Variants in GALNT13 observed in about 807,000 individuals in gnomAD.
The protein encoded by GALNT13 is UDP-GalNAc:polypeptide N-acetylgalactosaminyltransferase 13.
GALNT13 carries 28 observed loss-of-function variants against 64.2 expected under a neutral mutation model. That is an observed-to-expected ratio of 0.44 (90% confidence interval 0.32 to 0.60). The LOEUF (loss-of-function observed/expected upper bound fraction) is 0.60. GALNT13 is among the 20% of genes least tolerant of loss of function. GALNT13 has a pLI of 0.05. For missense variants in GALNT13, 577 were observed against 669.8 expected, an observed-to-expected ratio of 0.86 and a Z score of 1.53; for synonymous variants, 214 against 224.6, an observed-to-expected ratio of 0.95 and a Z score of 0.42.
At chr2:154,227,325 CTTTTTTTCTTTTT>C (rs1030411264) in intron 4 of GALNT13, among the ~76,000 whole-genome samples, 5 of 151,892 alleles carry the variant, frequency 3.3e-5, no homozygotes, top group African/African-American at 1.2e-4. Flanking sequence ...GCACATTTTT[CTTTTTTTCTTTTT>C]TTTTATTATA....
the GALNT13 span, among the ~76,000 whole-genome samples, chr2:153,479,542 G>A: frequency 2.6e-5 from 4 of 152,096 alleles, no homozygotes; most frequent in African/African-American, 9.7e-5. Flanking sequence ...CGGGAGCAGG[G>A]TCACCTCTCT....
rs2105515348 is a variant in GALNT13, at chr2:154,453,958, A to G, written c.*3407A>G. Reference sequence around the variant, plus strand: ...TTATGGAAATGAAATATGAAATTTTATTAAAATGCTGCTATATTACATAAG... The same window carrying G: ...TTATGGAAATGAAATATGAAATTTTGTTAAAATGCTGCTATATTACATAAG... On this transcript the variant is annotated 3_prime_UTR_variant, in exon 13 of 13. Transcript: ENST00000392825. 6.6e-6 allele frequency: 1 copy of G among 152,306 alleles called. No homozygotes were observed. Among genetic ancestry groups the G allele is most frequent in the Non-Finnish European group, 1.5e-5 (1 of 68,024 alleles). The allele number at this position is 152,306 out of a possible 1,614,324, so 9.4% of individuals were successfully genotyped here.
At position 154,301,532 on chromosome 2, in the gene GALNT13, A is replaced by G; in HGVS notation, c.1099A>G (p.Arg367Gly). 1 of 1,613,426 alleles carries G rather than the reference A, an allele frequency of 6.2e-7. No homozygotes were observed. The highest frequency in any genetic ancestry group is 1.3e-5 in the African/African-American group (1 of 75,046). ...TCATGTCATCAACAAGAACAACAGG[A>G]GACTGGCAGAAGTTTGGATGGATGA... The part of the protein sequence containing the change: ...TGHVINKNNR[R>G]LAEVWMDEFK... Residue 367 changes from arginine to glycine, a missense_variant, in exon 9 of 13, where the codon AGA (arginine) becomes GGA (glycine). Physicochemically the swap from Arg to Gly is moderately radical, Grantham distance 125. Transcript: ENST00000392825.
chr2:153,358,154 CATCAT>C, the GALNT13 span, among the ~76,000 whole-genome samples: 5 of 152,172 alleles, frequency 3.3e-5, no homozygotes, highest in Admixed American at 1.3e-4. Flanking sequence ...CTTTGCATTT[CATCAT>C]ATCCCAAAAT....
the GALNT13 span, among the ~76,000 whole-genome samples, chr2:153,086,696 G>GTATTT: frequency 6.3e-4 from 95 of 150,500 alleles, no homozygotes; most frequent in African/African-American, 1.8e-3. Flanking sequence ...CTATTCCTAA[G>GTATTT]TATTTTATTT....
intron 8 of GALNT13, among the ~76,000 whole-genome samples, chr2:154,263,892 C>A (rs192105153): frequency 1.9e-4 from 29 of 152,268 alleles, no homozygotes; most frequent in African/African-American, 7.0e-4. Context: ...ACTTTCAAGA[C>A]ATTGAACAGC....
At chr2:153,137,447 C>T in the GALNT13 span, among the ~76,000 whole-genome samples, 9 of 151,996 alleles carry the variant, frequency 5.9e-5, no homozygotes, top group African/African-American at 1.9e-4. Context: ...TGAACCTGAA[C>T]CTGAACCTGG....
the GALNT13 span, among the ~76,000 whole-genome samples, chr2:153,102,104 C>T: frequency 6.6e-6 from 1 of 151,860 alleles, no homozygotes; most frequent in Non-Finnish European, 1.5e-5. Flanking sequence ...TTGGGGTCTC[C>T]CTTTTGCTCT....
chr2:153,690,658 T>C, the GALNT13 span, among the ~76,000 whole-genome samples: 1 of 152,176 alleles, frequency 6.6e-6, no homozygotes, highest in African/African-American at 2.4e-5. Context: ...CTTTAGTTCC[T>C]GAATACTTAA....
At chr2:153,340,062 A>G in the GALNT13 span, among the ~76,000 whole-genome samples, 1 of 152,144 alleles carries the variant, frequency 6.6e-6, no homozygotes, top group Non-Finnish European at 1.5e-5. Flanking sequence ...TTCCTGCTTA[A>G]GATTGCTTTA....
At chr2:153,237,735 A>G in the GALNT13 span, among the ~76,000 whole-genome samples, 56 of 152,150 alleles carry the variant, frequency 3.7e-4, no homozygotes, top group African/African-American at 1.2e-3. Flanking sequence ...TTGTCTGTCA[A>G]TAGCCACATA....
rs922823886 is a variant in GALNT13 at position 154,207,214 on chromosome 2, C to T, written c.312-34816C>T. 3.3e-5 allele frequency among the ~76,000 whole-genome samples: 5 copies of T among 152,146 alleles called. No homozygotes were observed. In the South Asian group the frequency reaches 6.2e-4, roughly 19 times the overall value. On this transcript the variant is annotated intron_variant, in intron 4 of 12. Transcript: ENST00000392825. Reference sequence around the variant, plus strand: ...ATTGAAATCTGGCTACCTCCAATGTCGTGTCTTGTTTGATGCCTCCCCTAC... The same window carrying T: ...ATTGAAATCTGGCTACCTCCAATGTTGTGTCTTGTTTGATGCCTCCCCTAC...
intron 9 of GALNT13, among the ~76,000 whole-genome samples, chr2:154,373,902 A>T (rs1038044117): frequency 3.3e-5 from 5 of 152,120 alleles, no homozygotes; most frequent in African/African-American, 1.2e-4. Context: ...GCTTTATTTT[A>T]TTTAAGATTT....
intron 11 of GALNT13, among the ~76,000 whole-genome samples, chr2:154,425,358 T>G (rs1352283816): frequency 6.6e-6 from 1 of 152,214 alleles, no homozygotes; most frequent in Non-Finnish European, 1.5e-5. Flanking sequence ...CTAGGTGTCA[T>G]GTGAATGATA....
At chr2:153,695,768 TTG>T in the GALNT13 span, among the ~76,000 whole-genome samples, 1 of 152,192 alleles carries the variant, frequency 6.6e-6, no homozygotes, top group Non-Finnish European at 1.5e-5. Flanking sequence ...GAGGATGATA[TTG>T]GAGTCTCTTT....
At chr2:154,317,234 G>A (rs1419056438) in intron 9 of GALNT13, among the ~76,000 whole-genome samples, 2 of 151,704 alleles carry the variant, frequency 1.3e-5, no homozygotes, top group African/African-American at 2.4e-5. Flanking sequence ...AAGAAGAATG[G>A]TGTAGGGTTT....
intron 4 of GALNT13, among the ~76,000 whole-genome samples, chr2:154,209,846 G>A (rs1356624958): frequency 6.6e-6 from 1 of 152,060 alleles, no homozygotes; most frequent in Non-Finnish European, 1.5e-5. Context: ...TAAATTACTT[G>A]TCATGTTTTG....
chr2:153,692,398 T>A, the GALNT13 span, among the ~76,000 whole-genome samples: 1 of 152,198 alleles, frequency 6.6e-6, no homozygotes, highest in Non-Finnish European at 1.5e-5. Flanking sequence ...TCATAGAAAT[T>A]GGTGCCATCT....
intron 3 of GALNT13, among the ~76,000 whole-genome samples, chr2:153,954,591 A>G (rs1422771360): frequency 6.6e-6 from 1 of 150,392 alleles, no homozygotes; most frequent in African/African-American, 2.4e-5. Context: ...ATTTTAATAA[A>G]TAATTATAGT....
Sources: allele counts gnomAD v4.1 joint callset (sites outside exome capture counted in the v4.1 genomes callset), GRCh38; gene constraint gnomAD v4.1.1; transcripts MANE v1.5; gene names NCBI Gene and HGNC (gene_info 2026-07-23, HGNC 2026-07-21).